THNSL1: variants seen among roughly 807,000 people sequenced by gnomAD.
THNSL1 encodes threonine synthase-like 1.
THNSL1 carries 48 observed loss-of-function variants against 50.4 expected under a neutral mutation model. That is an observed-to-expected ratio of 0.95 (90% CI 0.76 to 1.21). The LOEUF (loss-of-function observed/expected upper bound fraction) is 1.21. Among genes scored for constraint, THNSL1 ranks in the 50% most tolerant of loss-of-function variants. The probability of loss-of-function intolerance (pLI) is 0.00; values close to 1 mark genes in which losing one functional copy is unlikely to be tolerated. For synonymous variants in THNSL1, 309 were observed against 306.1 expected, an observed-to-expected ratio of 1.01 and a Z score of -0.10; for missense variants, 896 against 871.7, an observed-to-expected ratio of 1.03 and a Z score of -0.35.
At chr10:24,969,631 A>T in the THNSL1 span, among the ~76,000 whole-genome samples, 130 of 151,338 alleles carry the variant, frequency 8.6e-4, no homozygotes, top group African/African-American at 3.2e-3. Context: ...AAATAAGAGC[A>T]GTTTCAAAAC....
At chr10:25,019,042 T>G (rs1332377239) in intron 1 of THNSL1, among the ~76,000 whole-genome samples, 3 of 152,190 alleles carry the variant, frequency 2.0e-5, no homozygotes, top group African/African-American at 2.4e-5. Context: ...ATGAAAAGTT[T>G]GAGAGAATTT....
chr10:24,984,373 T>C, the THNSL1 span: 47 of 1,557,484 alleles, frequency 3.0e-5, no homozygotes, highest in South Asian at 4.7e-5. Flanking sequence ...GTTGGTATCA[T>C]GCGCTGCAGA....
the THNSL1 span, among the ~76,000 whole-genome samples, chr10:24,992,854 G>C: frequency 6.6e-6 from 1 of 152,212 alleles, no homozygotes; most frequent in Admixed American, 6.5e-5. Flanking sequence ...ATTCTGGTCA[G>C]CTGGTGCAGT....
the THNSL1 span, among the ~76,000 whole-genome samples, chr10:24,996,454 G>GTATATA: frequency 9.8e-4 from 146 of 149,488 alleles, no homozygotes; most frequent in African/African-American, 3.6e-3. Flanking sequence ...GTGTGTGTGT[G>GTATATA]TGTATATATA....
rs1238232965 is a variant in THNSL1, at chr10:25,025,397, C to G, written c.2174C>G (p.Ala725Gly). 2 of 1,614,118 alleles carry G rather than the reference C, an allele frequency of 1.2e-6. No individual in the cohort carries two copies. Reference protein sequence around the residue: ...QEKMEYQVCAADMNVLKSHVE... With the variant: ...QEKMEYQVCAGDMNVLKSHVE... The stretch of plus-strand genomic sequence containing the variant: ...AAGATGGAGTACCAGGTCTGTGCAG[C>G]TGATATGAATGTCTTGAAGAGTCAT... Residue 725 changes from alanine to glycine, a missense_variant, in exon 3 of 3, where the codon GCT (alanine) becomes GGT (glycine). Transcript: ENST00000376356.
the THNSL1 span, among the ~76,000 whole-genome samples, chr10:24,991,131 T>C: frequency 6.6e-6 from 1 of 152,110 alleles, no homozygotes; most frequent in African/African-American, 2.4e-5. Flanking sequence ...TTATTGCAGT[T>C]GCTTGTTTTC....
chr10:24,985,561 C>T, the THNSL1 span, among the ~76,000 whole-genome samples: 1 of 152,138 alleles, frequency 6.6e-6, no homozygotes, highest in Non-Finnish European at 1.5e-5. Context: ...CATGCTAATT[C>T]AATAATGTAG....
chr10:24,956,277 C>T, the THNSL1 span, among the ~76,000 whole-genome samples: 1 of 151,916 alleles, frequency 6.6e-6, no homozygotes, highest in Non-Finnish European at 1.5e-5. Flanking sequence ...TTTTTTGATC[C>T]TTACCCTCCT....
chr10:24,984,025 T>C, the THNSL1 span: 1 of 237,094 alleles, frequency 4.2e-6, no homozygotes, highest in Non-Finnish European at 8.0e-6. Context: ...GCATAGTGAG[T>C]TGTGGAATAA....
the THNSL1 span, among the ~76,000 whole-genome samples, chr10:24,968,529 G>A: frequency 3.3e-5 from 5 of 152,190 alleles, no homozygotes; most frequent in East Asian, 3.9e-4. Context: ...CAGTGGTGCC[G>A]TACTTAGACC....
chr10:24,990,708 A>G, the THNSL1 span: 13 of 1,216,942 alleles, frequency 1.1e-5, no homozygotes, highest in African/African-American at 1.8e-4. Context: ...AATGGTACAG[A>G]CTAAATCCTT....
At chr10:24,992,013 G>A in the THNSL1 span, among the ~76,000 whole-genome samples, 2 of 152,230 alleles carry the variant, frequency 1.3e-5, no homozygotes, top group East Asian at 3.9e-4. Flanking sequence ...TACACTCTGC[G>A]AGGGGAATAA....
chr10:25,007,586 C>T, the THNSL1 span, among the ~76,000 whole-genome samples: 2 of 152,146 alleles, frequency 1.3e-5, no homozygotes, highest in Admixed American at 6.5e-5. Flanking sequence ...AGGCGCCCGC[C>T]ACCACACCCG....
At chr10:24,962,840 C>T in the THNSL1 span, among the ~76,000 whole-genome samples, 1 of 152,188 alleles carries the variant, frequency 6.6e-6, no homozygotes, top group South Asian at 2.1e-4. Context: ...CAATTTGTCT[C>T]TTGGCTTGAG....
chr10:24,978,037 G>A, the THNSL1 span, among the ~76,000 whole-genome samples: 1,155 of 152,224 alleles, frequency 7.6e-3, 16 homozygotes, highest in African/African-American at 0.026. Flanking sequence ...TAGGCACCTC[G>A]TTTAGAATAA....
the THNSL1 span, chr10:24,995,796 T>C: frequency 6.2e-7 from 1 of 1,614,080 alleles, no homozygotes; most frequent in Non-Finnish European, 8.5e-7. Context: ...TTCCACTCTG[T>C]ATTCCCATGA....
At chr10:24,995,636 A>G in the THNSL1 span, 6 of 1,605,098 alleles carry the variant, frequency 3.7e-6, no homozygotes, top group Admixed American at 5.1e-5. Context: ...TTAATATACC[A>G]CAAGGCTACC....
chr10:25,006,855 C>T, the THNSL1 span, among the ~76,000 whole-genome samples: 1 of 152,140 alleles, frequency 6.6e-6, no homozygotes, highest in Non-Finnish European at 1.5e-5. Flanking sequence ...CTTGTTTTTC[C>T]TCATTGCCTC....
the THNSL1 span, chr10:24,984,328 A>T: frequency 6.3e-7 from 1 of 1,588,924 alleles, no homozygotes; most frequent in Non-Finnish European, 8.6e-7. Context: ...TACTATTTCC[A>T]GTTCAAAATA....
Sources: gnomAD v4.1 joint callset for allele counts (sites outside exome capture counted in the v4.1 genomes callset) on GRCh38, gnomAD v4.1.1 for gene constraint, MANE v1.5 for transcripts, NCBI Gene and HGNC (gene_info 2026-07-23, HGNC 2026-07-21) for gene names.